The following ERP27 variants were observed in gnomAD, a reference collection of about 807,000 sequenced individuals.
The protein encoded by ERP27 is endoplasmic reticulum protein 27, also known as endoplasmic reticulum resident protein 27.
ERP27 carries 23 observed loss-of-function variants against 27.7 expected under a neutral mutation model. The observed-to-expected ratio is 0.83, with a 90% CI of 0.60 to 1.18. The LOEUF is 1.18. Among genes scored for constraint, ERP27 ranks in the 50% most tolerant of loss-of-function variants. The probability of loss-of-function intolerance (pLI) is 0.00; values close to 1 mark genes in which losing one functional copy is unlikely to be tolerated. For synonymous variants in ERP27, 159 were observed against 118.3 expected, an observed-to-expected ratio of 1.34 and a Z score of -2.23; for missense variants, 363 against 327.9, an observed-to-expected ratio of 1.11 and a Z score of -0.83.
chr12:14,938,528 C>T lies in ERP27; in HGVS notation c.-20G>A, dbSNP rs1406916006. On this transcript the variant is annotated 5_prime_UTR_variant, in exon 1 of 7. Coordinates refer to ENST00000266397, the MANE Select transcript of ERP27 (RefSeq NM_152321.4). Reference sequence around the variant, plus strand: ...TTCCATTGTCCCTCTCCTGCTCCTGCTCCAACCCTGGACTTTGTGTTGGGG... The same window carrying T: ...TTCCATTGTCCCTCTCCTGCTCCTGTTCCAACCCTGGACTTTGTGTTGGGG... The T allele has an allele frequency of 6.3e-7, 1 of 1,591,510 alleles. No homozygotes were observed. Among genetic ancestry groups the T allele is most frequent in the Non-Finnish European group, 8.6e-7 (1 of 1,168,406 alleles).
At chr12:14,920,849 G>A in intron 4 of ERP27, 83 bp downstream of exon 4, 1 of 988,812 alleles carries the variant, frequency 1.0e-6, no homozygotes, top group Non-Finnish European at 1.6e-6. Flanking sequence ...TGGAACTCTG[G>A]GAGGAAGAGA....
chr12:14,923,723 T>C (rs1358796890), intron 3 of ERP27, among the ~76,000 whole-genome samples: 1 of 152,194 alleles, frequency 6.6e-6, no homozygotes, highest in Non-Finnish European at 1.5e-5. Context: ...TATTTTACTT[T>C]TAACCTACTA....
intron 3 of ERP27, among the ~76,000 whole-genome samples, chr12:14,931,811 T>C (rs1159871216): frequency 6.6e-6 from 1 of 152,072 alleles, no homozygotes; most frequent in African/African-American, 2.4e-5. Flanking sequence ...TCAGGCCTTA[T>C]AAGACCGACA....
chr12:14,919,131 C>A (rs1034377399), intron 4 of ERP27, among the ~76,000 whole-genome samples: 4 of 152,090 alleles, frequency 2.6e-5, no homozygotes, highest in African/African-American at 7.2e-5. Flanking sequence ...CTGGTGCAAA[C>A]CTTTGCACCA....
intron 2 of ERP27, among the ~76,000 whole-genome samples, chr12:14,935,444 G>T (rs750504643): frequency 6.6e-6 from 1 of 152,194 alleles, no homozygotes; most frequent in Non-Finnish European, 1.5e-5. Flanking sequence ...ATGTAGGTTA[G>T]AATAATTTTA....
At chr12:14,920,672 T>C (rs1670346326) in intron 4 of ERP27, among the ~76,000 whole-genome samples, 2 of 152,198 alleles carry the variant, frequency 1.3e-5, no homozygotes. Flanking sequence ...GCACCTGGCC[T>C]TGAGTTAGTC....
intron 3 of ERP27, among the ~76,000 whole-genome samples, chr12:14,927,252 G>T (rs1435250524): frequency 6.6e-6 from 1 of 151,848 alleles, no homozygotes; most frequent in Non-Finnish European, 1.5e-5. Context: ...GCTAAGAGTG[G>T]ATTATGCATA....
rs757406378 is a variant in ERP27, at chr12:14,938,044, C to T, written c.103G>A (p.Gly35Ser). 1.2e-6 allele frequency: 2 copies of T among 1,613,770 alleles called. No homozygotes were observed. The highest frequency in any genetic ancestry group is 1.3e-5 in the African/African-American group (1 of 74,888). Reference protein sequence around the residue: ...AEVEKSSDGPGAAQEPTWLTD... With the variant: ...AEVEKSSDGPSAAQEPTWLTD... Reference sequence around the variant, plus strand: ...AGCCACGTGGGTTCCTGGGCAGCACCAGGACCATCTAGAGAGAGAAGCAGA... The same window carrying T: ...AGCCACGTGGGTTCCTGGGCAGCACTAGGACCATCTAGAGAGAGAAGCAGA... The change falls in exon 2 of 7, where the codon GGT becomes AGT. Residue 35 changes from glycine (G) to serine (S), a missense_variant. Physicochemically the swap from Gly to Ser is moderately conservative, Grantham distance 56 (BLOSUM62 0). Transcript: ENST00000266397.
chr12:14,929,042 C>T, intron 3 of ERP27: 4 of 1,534,788 alleles, frequency 2.6e-6, no homozygotes, highest in Non-Finnish European at 3.5e-6. Context: ...ACTCGTTTAA[C>T]ATTTGATGTG....
chr12:14,929,078 T>C, intron 3 of ERP27: 3 of 1,524,866 alleles, frequency 2.0e-6, no homozygotes, highest in East Asian at 4.9e-5. Flanking sequence ...ACTATTTTTC[T>C]AGGAATTCCT....
At chr12:14,936,917 G>A (rs1000434611) in intron 2 of ERP27, among the ~76,000 whole-genome samples, 1 of 152,110 alleles carries the variant, frequency 6.6e-6, no homozygotes, top group Non-Finnish European at 1.5e-5. Flanking sequence ...TACCCGTCTT[G>A]CATCTGGGGT....
chr12:14,922,825 C>T (rs976493730), intron 3 of ERP27, among the ~76,000 whole-genome samples: 2 of 152,158 alleles, frequency 1.3e-5, no homozygotes, highest in African/African-American at 4.8e-5. Flanking sequence ...CCTGTAATCC[C>T]AGCACTTTGA....
chr12:14,915,320 C>T (rs1863391141), intron 6 of ERP27, among the ~76,000 whole-genome samples, 169 bp downstream of exon 6: 1 of 152,170 alleles, frequency 6.6e-6, no homozygotes, highest in African/African-American at 2.4e-5. Flanking sequence ...TGACAGCCAC[C>T]CTGTAGTGCT....
At chr12:14,921,572 G>A (rs987495789) in intron 3 of ERP27, among the ~76,000 whole-genome samples, 3 of 152,128 alleles carry the variant, frequency 2.0e-5, no homozygotes, top group African/African-American at 7.2e-5. Context: ...GGGCAAGGGG[G>A]GTCATTGGCA....
intron 4 of ERP27, among the ~76,000 whole-genome samples, chr12:14,919,940 T>A (rs773604652): frequency 6.6e-6 from 1 of 151,746 alleles, no homozygotes; most frequent in Non-Finnish European, 1.5e-5. Flanking sequence ...ATTTCCTCTC[T>A]TCTACCTCAA....
In ERP27 at chr12:14,917,120, C is replaced by A. The variant is rs911881844; in HGVS notation, c.576+58G>T. ...TATCTCTGCTTCCTAGCCCCATCTC[C>A]CTTTTCCTAGTGTCCTGGAGGTGTG... On this transcript the variant is annotated intron_variant, in intron 5 of 6. Coordinates refer to ENST00000266397, the MANE Select transcript of ERP27 (RefSeq NM_152321.4). 14 of 1,599,106 alleles carry A rather than the reference C, an allele frequency of 8.8e-6. No homozygotes were observed. The African/African-American group carries it at 1.7e-4, about 20-fold the overall frequency.
chr12:14,932,693 T>C (rs997604386), intron 3 of ERP27, among the ~76,000 whole-genome samples: 1 of 152,204 alleles, frequency 6.6e-6, no homozygotes, highest in African/African-American at 2.4e-5. Flanking sequence ...TTTTAGAAAC[T>C]GTATATAAAG....
chr12:14,920,183 G>A (rs1863479083), intron 4 of ERP27, among the ~76,000 whole-genome samples: 1 of 152,236 alleles, frequency 6.6e-6, no homozygotes, highest in African/African-American at 2.4e-5. Context: ...TCTATAGAAA[G>A]TGTTAGAAGT....
intron 5 of ERP27, chr12:14,915,966 G>A (rs1565448095): frequency 8.2e-6 from 2 of 242,878 alleles, no homozygotes; most frequent in Non-Finnish European, 1.6e-5. Context: ...GGAGCTAAAT[G>A]ATGAGAACTC....
Sources: allele counts gnomAD v4.1 joint callset (sites outside exome capture counted in the v4.1 genomes callset), GRCh38; gene constraint gnomAD v4.1.1; transcripts MANE v1.5; gene names NCBI Gene and HGNC (gene_info 2026-07-23, HGNC 2026-07-21).